The following ULK4 variants were observed in gnomAD, a reference collection of about 807,000 sequenced individuals.
ULK4 encodes unc-51 like kinase 4, also known as inactive serine/threonine-protein kinase ULK4.
ULK4 carries 133 observed loss-of-function variants against 160.6 expected under a neutral mutation model. The ratio of observed to expected loss-of-function variants is 0.83; its 90% CI spans 0.72 to 0.96. The LOEUF is 0.96. ULK4 is among the 40% of genes least tolerant of loss of function. The pLI is 0.00. For missense variants in ULK4, 1,580 were observed against 1,499.5 expected, an observed-to-expected ratio of 1.05 and a Z score of -0.89; for synonymous variants, 534 against 539.8, an observed-to-expected ratio of 0.99 and a Z score of 0.15.
intron 35 of ULK4, among the ~76,000 whole-genome samples, chr3:41,281,479 T>A (rs2079351053): frequency 6.6e-6 from 1 of 152,232 alleles, no homozygotes; most frequent in Admixed American, 6.5e-5. Context: ...ATCCCTGGGA[T>A]GCAAGGCTGG....
At chr3:41,887,343 T>C (rs533310664) in intron 16 of ULK4, among the ~76,000 whole-genome samples, 2 of 152,246 alleles carry the variant, frequency 1.3e-5, no homozygotes, top group African/African-American at 4.8e-5. Context: ...AAGCCACTAT[T>C]ACTATATTAA....
chr3:41,405,039 T>C (rs1298350958), intron 34 of ULK4, among the ~76,000 whole-genome samples: 2 of 152,250 alleles, frequency 1.3e-5, no homozygotes, highest in Non-Finnish European at 2.9e-5. Flanking sequence ...GTATATTGCA[T>C]GACGCCAAGG....
chr3:41,583,989 C>T (rs2030585821), intron 31 of ULK4, among the ~76,000 whole-genome samples: 1 of 152,118 alleles, frequency 6.6e-6, no homozygotes, highest in Non-Finnish European at 1.5e-5. Context: ...TATTTGCTTC[C>T]AAAAAGTGTC....
At chr3:41,303,130 T>A (rs1006144533) in intron 35 of ULK4, among the ~76,000 whole-genome samples, 2 of 152,204 alleles carry the variant, frequency 1.3e-5, no homozygotes, top group African/African-American at 2.4e-5. Flanking sequence ...AAAATTATAG[T>A]ATTGCCTCTG....
At chr3:41,503,454 G>A (rs903649) in intron 32 of ULK4, among the ~76,000 whole-genome samples, 140,003 of 152,192 alleles carry the variant, frequency 0.92, 64,808 homozygotes, top group Middle Eastern at 0.96. Flanking sequence ...GGATGTGTAA[G>A]ACACTTCACA....
intron 22 of ULK4, among the ~76,000 whole-genome samples, chr3:41,721,360 ATATTTT>A (rs1160432763): frequency 0.058 from 2,958 of 50,604 alleles, 32 homozygotes; most frequent in Middle Eastern, 0.09. Flanking sequence ...ATATATATAT[ATATTTT>A]TTTTTTTTTT....
chr3:41,786,354 C>A (rs950118648), intron 21 of ULK4, among the ~76,000 whole-genome samples: 1 of 152,166 alleles, frequency 6.6e-6, no homozygotes, highest in African/African-American at 2.4e-5. Context: ...GTAATCCCAG[C>A]ACCTTGGGAG....
At chr3:41,433,321 T>G (rs1459754014) in intron 34 of ULK4, among the ~76,000 whole-genome samples, 1 of 152,178 alleles carries the variant, frequency 6.6e-6, no homozygotes, top group Non-Finnish European at 1.5e-5. Flanking sequence ...TGGCAAAATG[T>G]TACAATTTCA....
chr3:41,735,687 T>TTTATTATTATTATTATTATTATTA (rs10652302), intron 22 of ULK4, among the ~76,000 whole-genome samples: 2 of 144,494 alleles, frequency 1.4e-5, no homozygotes, highest in African/African-American at 2.6e-5. Context: ...CTAAGTCCAT[T>TTTATTATTATTATTATTATTATTA]TTATTATTAT....
At chr3:41,590,769 T>C (rs2125644882) in intron 31 of ULK4, among the ~76,000 whole-genome samples, 1 of 145,978 alleles carries the variant, frequency 6.9e-6, no homozygotes, top group Middle Eastern at 3.6e-3. Context: ...TATCCAAAAC[T>C]AGGTACAGAA....
intron 30 of ULK4, among the ~76,000 whole-genome samples, chr3:41,624,594 A>G (rs574885780): frequency 1.3e-5 from 2 of 152,278 alleles, no homozygotes; most frequent in African/African-American, 4.8e-5. Context: ...AATACAATAT[A>G]CCATAACAAT....
chr3:41,878,364 G>A (rs1425227308), intron 17 of ULK4, among the ~76,000 whole-genome samples: 2 of 152,084 alleles, frequency 1.3e-5, no homozygotes, highest in African/African-American at 2.4e-5. Context: ...AGGACTAGAC[G>A]ATATACATAT....
chr3:41,834,637 C>G (rs1281424973), intron 18 of ULK4, among the ~76,000 whole-genome samples: 2 of 152,184 alleles, frequency 1.3e-5, no homozygotes, highest in Non-Finnish European at 2.9e-5. Context: ...TGTTTTATAA[C>G]AATCATGGTA....
chr3:41,870,010 C>T (rs1317922921), intron 17 of ULK4, among the ~76,000 whole-genome samples: 1 of 152,094 alleles, frequency 6.6e-6, no homozygotes, highest in African/African-American at 2.4e-5. Context: ...TCTTTGAACA[C>T]TTTAAAAATA....
chr3:41,858,097 A>C (rs1159943083), intron 17 of ULK4, among the ~76,000 whole-genome samples: 1 of 144,318 alleles, frequency 6.9e-6, no homozygotes, highest in Non-Finnish European at 1.5e-5. Context: ...TAGCTATAAA[A>C]TTACCTCTGA....
Position 41,418,342 on chromosome 3 carries a change from C to CGGG in ULK4, c.3493-20081_3493-20079dup, listed in dbSNP as rs56844228. On this transcript the variant is annotated intron_variant, in intron 34 of 36. Coordinates refer to ENST00000301831, the MANE Select transcript of ULK4 (RefSeq NM_017886.4). ...TGACATACTTTTTTTCTTAATTTGGCGGGGGGGGGGGCACGTTTCTAAGCT... is the reference window on the plus strand; with the variant it reads ...TGACATACTTTTTTTCTTAATTTGGCGGGGGGGGGGGGGGCACGTTTCTAAGCT... Among the ~76,000 whole-genome samples, 361 of 87,844 alleles carry CGGG rather than the reference C, an allele frequency of 4.1e-3. 3 individuals carry two copies. Among genetic ancestry groups the CGGG allele is most frequent in the East Asian group, 0.013 (34 of 2,584 alleles). 57.6% of individuals were successfully genotyped at this position (87,844 alleles called of 152,430 possible).
chr3:41,710,500 G>T (rs1046536203), intron 25 of ULK4, among the ~76,000 whole-genome samples: 1 of 152,060 alleles, frequency 6.6e-6, no homozygotes, highest in African/African-American at 2.4e-5. Flanking sequence ...CTAGCATTAA[G>T]ATTTGTCAGA....
chr3:41,702,855 G>GTTTTTTTTTTTTTTTTTTTTTT (rs778490796), intron 27 of ULK4, among the ~76,000 whole-genome samples: 1 of 146,252 alleles, frequency 6.8e-6, no homozygotes. Context: ...TTTTTTTTTG[G>GTTTTTTTTTTTTTTTTTTTTTT]TTTTGTTTTT....
intron 34 of ULK4, among the ~76,000 whole-genome samples, chr3:41,425,449 T>C (rs1220651761): frequency 1.3e-5 from 2 of 151,944 alleles, no homozygotes; most frequent in Non-Finnish European, 2.9e-5. Flanking sequence ...ATGCAGAGAA[T>C]CCCAGTAAGA....
Sources: allele counts gnomAD v4.1 joint callset (sites outside exome capture counted in the v4.1 genomes callset), GRCh38; gene constraint gnomAD v4.1.1; transcripts MANE v1.5; gene names NCBI Gene and HGNC (gene_info 2026-07-23, HGNC 2026-07-21).